Variants in TAFA1 observed in about 807,000 individuals in gnomAD.
The protein encoded by TAFA1 is TAFA chemokine like family member 1, also known as chemokine-like protein TAFA-1.
Under a neutral mutation model 18.5 loss-of-function variants are expected in TAFA1, and 4 were observed. That is an observed-to-expected ratio of 0.22 (90% CI 0.11 to 0.49). The LOEUF is 0.49. Ranked by LOEUF, TAFA1 falls within the 20% of genes least tolerant of loss-of-function variation. The pLI is 0.98. For missense variants in TAFA1, 147 were observed against 169.0 expected (o/e 0.87, Z 0.72); for synonymous variants, 56 against 55.2 (o/e 1.01, Z -0.06).
At chr3:68,210,572 T>A (rs2066584386) in intron 2 of TAFA1, among the ~76,000 whole-genome samples, 2 of 152,044 alleles carry the variant, frequency 1.3e-5, no homozygotes. Flanking sequence ...CAATACACAA[T>A]GTCTCAATTT....
At chr3:68,315,578 T>C (rs2068594127) in intron 2 of TAFA1, among the ~76,000 whole-genome samples, 1 of 152,196 alleles carries the variant, frequency 6.6e-6, no homozygotes, top group Non-Finnish European at 1.5e-5. Context: ...GTTCCTTATA[T>C]AGTTCTTTAT....
At chr3:68,362,972 C>A (rs1327640790) in intron 2 of TAFA1, among the ~76,000 whole-genome samples, 61 of 80,182 alleles carry the variant, frequency 7.6e-4, no homozygotes, top group African/African-American at 3.1e-3. Context: ...TAAGCCCTGT[C>A]TTGCAGGCTT....
chr3:68,247,657 G>C (rs1394801358), intron 2 of TAFA1: 1 of 152,218 alleles, frequency 6.6e-6, no homozygotes, highest in African/African-American at 2.4e-5. Flanking sequence ...ACTTTTGCAA[G>C]TTCCTTTTGG....
At chr3:68,473,610 T>C (rs1468818505) in intron 3 of TAFA1, among the ~76,000 whole-genome samples, 1 of 152,122 alleles carries the variant, frequency 6.6e-6, no homozygotes, top group African/African-American at 2.4e-5. Flanking sequence ...CCAACCAGAA[T>C]TGGTCAAAGG....
In TAFA1 at chr3:68,545,361, T is replaced by C. The variant is rs778297087; in HGVS notation, c.*858T>C. ...ACATGAATAAGTCCTGTAAATACAA[T>C]GTCTTAAGGCTTTGTATAGCTGTCC... On this transcript the variant is annotated 3_prime_UTR_variant, in exon 5 of 5. Transcript: ENST00000478136. 3 of 152,582 alleles carry C rather than the reference T, an allele frequency of 2.0e-5. No homozygotes were observed. Among genetic ancestry groups the C allele is most frequent in the African/African-American group, 7.2e-5 (3 of 41,442 alleles). The allele number at this position is 152,582 out of a possible 1,614,324, so 9.5% of individuals were successfully genotyped here.
intron 2 of TAFA1, among the ~76,000 whole-genome samples, chr3:68,159,899 G>A (rs2065905645): frequency 6.6e-6 from 1 of 152,144 alleles, no homozygotes; most frequent in African/African-American, 2.4e-5. Context: ...CTGCAAAATC[G>A]AAGCAGTCTT....
intron 2 of TAFA1, among the ~76,000 whole-genome samples, chr3:68,146,020 A>C (rs2065736085): frequency 6.6e-6 from 1 of 152,158 alleles, no homozygotes; most frequent in Non-Finnish European, 1.5e-5. Flanking sequence ...GGATTTTATC[A>C]GTTTTTTCCA....
rs142114344 is a variant in TAFA1, at chr3:68,479,879, TACAC to T, written c.260-58863_260-58860del. 6.4e-3 allele frequency among the ~76,000 whole-genome samples: 957 copies of T among 150,336 alleles called. 13 individuals carry two copies. Among genetic ancestry groups the T allele is most frequent in the African/African-American group, 0.021 (883 of 41,084 alleles). On this transcript the variant is annotated intron_variant, in intron 3 of 4. Transcript: ENST00000478136. ...ACACATTCATACTCATACACACGCA[TACAC>T]ACACACACACACAAACACACACATC... is the stretch of plus-strand genomic sequence containing the variant.
chr3:68,001,637 G>T, upstream of TAFA1, among the ~76,000 whole-genome samples: 1 of 145,466 alleles, frequency 6.9e-6, no homozygotes, highest in Non-Finnish European at 1.5e-5. Flanking sequence ...TGAATGCTTT[G>T]TACTTTTAAG....
At chr3:68,131,398 T>C (rs1254505717) in intron 2 of TAFA1, among the ~76,000 whole-genome samples, 1 of 152,178 alleles carries the variant, frequency 6.6e-6, no homozygotes, top group African/African-American at 2.4e-5. Context: ...GGCCAATTAG[T>C]TGGCTTTTGT....
chr3:68,263,348 A>AT lies in TAFA1; in HGVS notation c.119-153925dup, dbSNP rs1038925448. Among the ~76,000 whole-genome samples, 5 of 151,708 alleles carry AT rather than the reference A, an allele frequency of 3.3e-5. 1 individual carries two copies. The South Asian group carries it at 1.0e-3, about 32-fold the overall frequency. Reference sequence around the variant, plus strand: ...ACTAGTCTCATCCTTATATTTTGTCATTTTTTTGTGGAACATACACAAAAA... The same window carrying AT: ...ACTAGTCTCATCCTTATATTTTGTCATTTTTTTTGTGGAACATACACAAAAA... On this transcript the variant is annotated intron_variant, in intron 2 of 4. Transcript: ENST00000478136.
intron 3 of TAFA1, among the ~76,000 whole-genome samples, chr3:68,504,761 AT>A (rs1378572808): frequency 2.0e-5 from 3 of 152,110 alleles, no homozygotes; most frequent in Non-Finnish European, 4.4e-5. Context: ...CAACAAAAAT[AT>A]CAATGTTCAG....
chr3:68,269,934 C>A (rs900413682), intron 2 of TAFA1, among the ~76,000 whole-genome samples: 2 of 152,114 alleles, frequency 1.3e-5, no homozygotes, highest in Non-Finnish European at 2.9e-5. Context: ...TTCTTTTCCT[C>A]TGAGTACATT....
intron 3 of TAFA1, among the ~76,000 whole-genome samples, chr3:68,473,428 A>G (rs890598315): frequency 3.5e-4 from 54 of 152,212 alleles, no homozygotes; most frequent in Non-Finnish European, 8.8e-5. Flanking sequence ...CTCTAGTTGC[A>G]TAACTTGCTA....
intron 2 of TAFA1, among the ~76,000 whole-genome samples, chr3:68,171,535 T>A (rs2066053399): frequency 6.7e-6 from 1 of 149,830 alleles, no homozygotes; most frequent in African/African-American, 2.4e-5. Context: ...ATTATATATT[T>A]TAAAAGTCCA....
At chr3:68,348,596 C>T (rs2069208200) in intron 2 of TAFA1, among the ~76,000 whole-genome samples, 1 of 152,070 alleles carries the variant, frequency 6.6e-6, no homozygotes, top group African/African-American at 2.4e-5. Flanking sequence ...CTGTAAGATC[C>T]AATTCAGGCA....
chr3:68,045,757 C>G (rs1705255051), intron 2 of TAFA1, among the ~76,000 whole-genome samples: 1 of 152,154 alleles, frequency 6.6e-6, no homozygotes, highest in South Asian at 2.1e-4. Flanking sequence ...TATTCTGTGA[C>G]TAGATGATTT....
intron 3 of TAFA1, among the ~76,000 whole-genome samples, chr3:68,479,012 C>T (rs1267197606): frequency 6.7e-6 from 1 of 150,202 alleles, no homozygotes; most frequent in East Asian, 1.9e-4. Context: ...GCAAGTGGAT[C>T]ACGAGGTCAA....
At chr3:68,141,373 C>T (rs112785276) in intron 2 of TAFA1, among the ~76,000 whole-genome samples, 166 of 152,272 alleles carry the variant, frequency 1.1e-3, no homozygotes, top group Non-Finnish European at 1.7e-3. Flanking sequence ...ATTCCATAAT[C>T]ATCCTCATTA....
Sources: allele counts gnomAD v4.1 joint callset (sites outside exome capture counted in the v4.1 genomes callset), GRCh38; gene constraint gnomAD v4.1.1; transcripts MANE v1.5; gene names NCBI Gene and HGNC (gene_info 2026-07-23, HGNC 2026-07-21).